Variants in DNAJB14 observed in about 807,000 individuals in gnomAD.
DNAJB14 encodes DnaJ heat shock protein family (Hsp40) member B14.
A neutral mutation model predicts 48.4 loss-of-function variants in DNAJB14; 22 were observed. The ratio of observed to expected loss-of-function variants is 0.45; its 90% CI spans 0.32 to 0.65. The LOEUF (loss-of-function observed/expected upper bound fraction) is 0.65. Among genes scored for constraint, DNAJB14 ranks in the 30% least tolerant of loss-of-function variants. DNAJB14 has a pLI of 0.03. For synonymous variants in DNAJB14, 142 were observed against 158.7 expected (o/e 0.89, Z 0.79); for missense variants, 319 against 458.8 (o/e 0.70, Z 2.78).
chr4:99,932,133 G>T (rs1235388940), intron 1 of DNAJB14, among the ~76,000 whole-genome samples: 1 of 151,650 alleles, frequency 6.6e-6, no homozygotes, highest in Non-Finnish European at 1.5e-5. Flanking sequence ...CTTAACTACA[G>T]AAACAAAAGT....
At chr4:99,944,781 T>C (rs1727007059) in intron 1 of DNAJB14, among the ~76,000 whole-genome samples, 1 of 152,178 alleles carries the variant, frequency 6.6e-6, no homozygotes, top group African/African-American at 2.4e-5. Flanking sequence ...TTCATCATGT[T>C]GGCCAGGCTG....
chr4:99,935,796 G>A (rs1475346036), intron 1 of DNAJB14, among the ~76,000 whole-genome samples: 4 of 152,156 alleles, frequency 2.6e-5, no homozygotes, highest in Admixed American at 6.5e-5. Flanking sequence ...GGCCAGGTGC[G>A]GTGGCTCACG....
At chr4:99,905,524 C>T (rs1725431801) in intron 6 of DNAJB14, 73 bp downstream of exon 6, 1 of 1,151,982 alleles carries the variant, frequency 8.7e-7, no homozygotes, top group Admixed American at 1.9e-5. Flanking sequence ...TAAAAGAGCA[C>T]AAGCTCTTTA....
intron 4 of DNAJB14, among the ~76,000 whole-genome samples, chr4:99,908,412 G>GTACT (rs1725541272): frequency 6.6e-6 from 1 of 152,048 alleles, no homozygotes; most frequent in Non-Finnish European, 1.5e-5. Context: ...AATTATAATA[G>GTACT]TACTTACCTA....
intron 2 of DNAJB14, chr4:99,924,820 A>G (rs781707310): frequency 6.4e-7 from 1 of 1,569,240 alleles, no homozygotes; most frequent in South Asian, 1.1e-5. Context: ...AAAGCTCTGA[A>G]AAATCAAAGT....
In DNAJB14 at chr4:99,932,607, A is replaced by ACT. The variant is rs1560745553; in HGVS notation, c.134-1987_134-1986insAG. ...AAAAATCATCTAGTAGTTCTTTAAA[A>ACT]AAGTAAACATAGTTACCATTTGACT... On this transcript the variant is annotated intron_variant, in intron 1 of 7. Transcript: ENST00000442697. Among the ~76,000 whole-genome samples the ACT allele has an allele frequency of 7.9e-5, 12 of 152,322 alleles. No individual in the cohort carries two copies. The South Asian group carries it at 2.5e-3, about 32-fold the overall frequency.
At chr4:99,926,864 A>T (rs796070061) in intron 2 of DNAJB14, 1 of 152,194 alleles carries the variant, frequency 6.6e-6, no homozygotes, top group African/African-American at 2.4e-5. Flanking sequence ...AATTCTTGAG[A>T]AGCCAGAAGT....
chr4:99,934,789 C>CAAAAAAAAA lies in DNAJB14; in HGVS notation c.134-4177_134-4169dup, dbSNP rs1167945149. Among the ~76,000 whole-genome samples, 5 of 6,776 alleles carry CAAAAAAAAA rather than the reference C, an allele frequency of 7.4e-4. 2 individuals are homozygous for CAAAAAAAAA. Among genetic ancestry groups the CAAAAAAAAA allele is most frequent in the Non-Finnish European group, 9.7e-4 (4 of 4,106 alleles). 4.4% of individuals were successfully genotyped at this position (6,776 alleles called of 152,430 possible). A position where few individuals can be genotyped will look rare whatever the true frequency, so the allele number is the denominator to read the frequency against. On this transcript the variant is annotated intron_variant, in intron 1 of 7. Coordinates refer to ENST00000442697, the MANE Select transcript of DNAJB14 (RefSeq NM_001031723.4). ...CCTGGGTGACAGAGCAAGACTGTCT[C>CAAAAAAAAA]AAAAAAAAAAAAAAAAAAAAAAAAA...
chr4:99,923,677 A>G, intron 2 of DNAJB14: 2 of 985,210 alleles, frequency 2.0e-6, no homozygotes, highest in Non-Finnish European at 2.4e-6. Context: ...AAACAACAGC[A>G]GTATTCTATG....
In DNAJB14 at chr4:99,930,489, C is replaced by A; in HGVS notation, c.266G>T (p.Gly89Val). The change falls in exon 2 of 8, where the codon GGA becomes GTA. Residue 89 changes from glycine (G) to valine (V), a missense_variant. By Grantham distance (109) the Gly-to-Val change is moderately radical. Around this residue, in one of 3 missense-constraint regions of DNAJB14, gnomAD observed 116 missense variants for 134.6 expected, o/e 0.86. Coordinates refer to ENST00000442697, the MANE Select transcript of DNAJB14 (RefSeq NM_001031723.4). ...KDSTSGSGEG[G>V]KGYTKDQVDG... is the part of the protein sequence containing the mutation. The stretch of plus-strand genomic sequence containing the variant: ...TACTTGGTCTTTGGTATAGCCTTTT[C>A]CACCTTCACCACTACCAGATGTGCT... 2 of 1,608,294 alleles carry A rather than the reference C, an allele frequency of 1.2e-6. No individual in the cohort carries two copies.
chr4:99,928,807 C>A (rs1245411512), intron 2 of DNAJB14: 1 of 155,726 alleles, frequency 6.4e-6, no homozygotes, highest in African/African-American at 2.4e-5. Flanking sequence ...ATATGTTCTC[C>A]CAACATAAAT....
chr4:99,900,793 C>G lies in DNAJB14; in HGVS notation c.*235G>C. The G allele has an allele frequency of 5.8e-6, 2 of 345,982 alleles. No individual in the cohort carries two copies. The highest frequency in any genetic ancestry group is 1.0e-5 in the Non-Finnish European group (2 of 193,852). The allele number at this position is 345,982 out of a possible 1,614,324, so 21.4% of individuals were successfully genotyped here. A position where few individuals can be genotyped will look rare whatever the true frequency, so the allele number is the denominator to read the frequency against. On this transcript the variant is annotated 3_prime_UTR_variant, in exon 8 of 8. Coordinates refer to ENST00000442697, the MANE Select transcript of DNAJB14 (RefSeq NM_001031723.4). ...TTCTCATGACACTTTAGTTAGGAAT[C>G]ATGTAAGCTTTTAAAATGAAAATAC... is the stretch of plus-strand genomic sequence containing the variant.
intron 3 of DNAJB14, among the ~76,000 whole-genome samples, chr4:99,921,244 G>A (rs1014276761): frequency 6.6e-6 from 1 of 152,122 alleles, no homozygotes; most frequent in Non-Finnish European, 1.5e-5. Flanking sequence ...TTTGTGTATT[G>A]AACAATGTAT....
At chr4:99,908,057 TCA>T (rs1280048218) in intron 4 of DNAJB14, among the ~76,000 whole-genome samples, 1 of 152,186 alleles carries the variant, frequency 6.6e-6, no homozygotes, top group Non-Finnish European at 1.5e-5. Flanking sequence ...TCACTTACAG[TCA>T]CAGTTTCCAA....
chr4:99,925,022 G>GT, intron 2 of DNAJB14: 1 of 546,340 alleles, frequency 1.8e-6, no homozygotes, highest in Non-Finnish European at 3.2e-6. Context: ...ACTCTAAGAT[G>GT]TATAATATAA....
intron 3 of DNAJB14, among the ~76,000 whole-genome samples, chr4:99,912,158 C>A (rs1292581598): frequency 6.6e-6 from 1 of 152,158 alleles, no homozygotes; most frequent in Non-Finnish European, 1.5e-5. Context: ...ACTGCTTTTG[C>A]ATCTTTGTCA....
chr4:99,921,436 C>T (rs1238615854), intron 3 of DNAJB14, among the ~76,000 whole-genome samples: 1 of 152,086 alleles, frequency 6.6e-6, no homozygotes, highest in African/African-American at 2.4e-5. Context: ...ATTCAAAACG[C>T]AACACAGGCT....
At chr4:99,908,025 A>G (rs1466119644) in intron 4 of DNAJB14, among the ~76,000 whole-genome samples, 1 of 152,192 alleles carries the variant, frequency 6.6e-6, no homozygotes, top group Non-Finnish European at 1.5e-5. Flanking sequence ...CGGTAAAATT[A>G]GTTGTTATAC....
intron 3 of DNAJB14, among the ~76,000 whole-genome samples, chr4:99,920,349 G>A (rs1726010259): frequency 6.6e-6 from 1 of 152,134 alleles, no homozygotes; most frequent in African/African-American, 2.4e-5. Context: ...TACTCTAGAT[G>A]TTCATATTGA....
Sources: gnomAD v4.1 joint callset for allele counts (sites outside exome capture counted in the v4.1 genomes callset) on GRCh38, gnomAD v4.1.1 for gene constraint, gnomAD v4.1.1 regional missense constraint, MANE v1.5 for transcripts, NCBI Gene and HGNC (gene_info 2026-07-23, HGNC 2026-07-21) for gene names.